The following ASCC3 variants were observed in gnomAD, a reference collection of about 807,000 sequenced individuals.
ASCC3 encodes the protein activating signal cointegrator 1 complex subunit 3.
In ASCC3, 158 loss-of-function variants were observed where a neutral mutation model predicts 256.3. That is an observed-to-expected ratio of 0.62 (90% CI 0.54 to 0.70). The LOEUF is 0.70. Among genes scored for constraint, ASCC3 ranks in the 30% least tolerant of loss-of-function variants. The pLI is 0.00. For missense variants in ASCC3, 2,259 were observed against 2,626.0 expected, an observed-to-expected ratio of 0.86 and a Z score of 3.05; for synonymous variants, 948 against 883.4, an observed-to-expected ratio of 1.07 and a Z score of -1.30.
chr6:100,623,218 T>A (rs1562175106), intron 30 of ASCC3, among the ~76,000 whole-genome samples: 1 of 152,106 alleles, frequency 6.6e-6, no homozygotes, highest in Non-Finnish European at 1.5e-5. Context: ...AAATCTTTTA[T>A]CAACATTACT....
Position 100,540,404 on chromosome 6 carries a change from GC to G in ASCC3, c.5551-18del, listed in dbSNP as rs1019200910. ...TTCTGCATCCTGAAAAAAAAAAAAA[GC>G]CCCACATTGTTGGATCAAAGTATAA... On this transcript the variant is annotated intron_variant, in intron 36 of 41. Coordinates refer to ENST00000369162, the MANE Select transcript of ASCC3 (RefSeq NM_006828.4). 9.7e-6 allele frequency: 13 copies of G among 1,341,318 alleles called. No individual in the cohort carries two copies. The highest frequency in any genetic ancestry group is 1.3e-5 in the Non-Finnish European group (12 of 945,902). The allele number at this position is 1,341,318 out of a possible 1,614,324, so 83.1% of individuals were successfully genotyped here.
intron 8 of ASCC3, among the ~76,000 whole-genome samples, chr6:100,790,857 G>A (rs1000874281): frequency 1.3e-5 from 2 of 151,828 alleles, no homozygotes; most frequent in Non-Finnish European, 2.9e-5. Flanking sequence ...TGAAGCAGCT[G>A]GTGCCCTTTT....
At chr6:100,789,716 T>G (rs1769262945) in intron 8 of ASCC3, among the ~76,000 whole-genome samples, 1 of 151,960 alleles carries the variant, frequency 6.6e-6, no homozygotes, top group South Asian at 2.1e-4. Context: ...ACTTCTTGTA[T>G]AATACGTAAA....
chr6:100,663,749 A>C (rs370844535), intron 14 of ASCC3, among the ~76,000 whole-genome samples: 3 of 152,160 alleles, frequency 2.0e-5, no homozygotes, highest in Admixed American at 2.0e-4. Context: ...AATTTGTGTT[A>C]GTTTTGCTGT....
At chr6:100,584,047 A>G (rs1771485182) in intron 36 of ASCC3, among the ~76,000 whole-genome samples, 1 of 151,806 alleles carries the variant, frequency 6.6e-6, no homozygotes, top group East Asian at 1.9e-4. Context: ...GTGGTGCTGA[A>G]AAAAATGTAT....
chr6:100,546,857 C>T (rs1425275426), intron 36 of ASCC3, among the ~76,000 whole-genome samples: 1 of 151,910 alleles, frequency 6.6e-6, no homozygotes, highest in Non-Finnish European at 1.5e-5. Flanking sequence ...TTTTCATTCA[C>T]AATCATATAC....
intron 10 of ASCC3, among the ~76,000 whole-genome samples, chr6:100,731,804 AC>A (rs1366100859): frequency 8.5e-5 from 13 of 152,188 alleles, no homozygotes; most frequent in Non-Finnish European, 1.8e-4. Flanking sequence ...ACTACCTCTT[AC>A]CTGCTACATT....
intron 13 of ASCC3, among the ~76,000 whole-genome samples, chr6:100,688,811 G>C (rs1419435289): frequency 6.6e-6 from 1 of 152,084 alleles, no homozygotes; most frequent in African/African-American, 2.4e-5. Flanking sequence ...TGGAGTCTAG[G>C]AAGATGATGA....
At chr6:100,772,929 T>C (rs1042769385) in intron 8 of ASCC3, among the ~76,000 whole-genome samples, 2 of 152,192 alleles carry the variant, frequency 1.3e-5, no homozygotes, top group Non-Finnish European at 2.9e-5. Context: ...GTGTTATCTT[T>C]TTAACACAAG....
intron 4 of ASCC3, among the ~76,000 whole-genome samples, chr6:100,820,850 C>T (rs1276316056): frequency 1.3e-5 from 2 of 152,050 alleles, no homozygotes; most frequent in East Asian, 1.9e-4. Flanking sequence ...GGACTATACA[C>T]GAATGACCAA....
chr6:100,754,822 T>C (rs1473384335), intron 10 of ASCC3, among the ~76,000 whole-genome samples: 1 of 152,126 alleles, frequency 6.6e-6, no homozygotes, highest in Admixed American at 6.6e-5. Flanking sequence ...AAGTGGATTT[T>C]TCCCATGCTG....
intron 37 of ASCC3, among the ~76,000 whole-genome samples, chr6:100,532,410 T>A (rs2398130): frequency 0.051 from 3,140 of 62,010 alleles, 44 homozygotes; most frequent in African/African-American, 0.13. Flanking sequence ...ATATATATTT[T>A]TTTTTTTTTT....
chr6:100,728,524 G>A lies in ASCC3; in HGVS notation c.1738-2821C>T, dbSNP rs569303792. Among the ~76,000 whole-genome samples, 3 of 151,976 alleles carry A rather than the reference G, an allele frequency of 2.0e-5. No homozygotes were observed. In the South Asian group the frequency reaches 6.2e-4, roughly 32 times the overall value. ...ATACCCAACAGAAACACACATATAT[G>A]TGCACCCAAAGACATGTATAAGAAT... On this transcript the variant is annotated intron_variant, in intron 10 of 41. Transcript: ENST00000369162.
At chr6:100,851,406 C>A (rs906008685) in intron 3 of ASCC3, among the ~76,000 whole-genome samples, 1 of 152,120 alleles carries the variant, frequency 6.6e-6, no homozygotes, top group Admixed American at 6.5e-5. Flanking sequence ...TCTGATATAG[C>A]CATATACATT....
At chr6:100,723,532 C>T (rs192445915) in intron 11 of ASCC3, among the ~76,000 whole-genome samples, 31 of 151,500 alleles carry the variant, frequency 2.0e-4, no homozygotes, top group East Asian at 5.8e-4. Flanking sequence ...CAAACACTTT[C>T]GAACTTTTAA....
chr6:100,631,085 A>T (rs1249340728), intron 26 of ASCC3, 43 bp downstream of exon 26: 2 of 1,377,404 alleles, frequency 1.5e-6, no homozygotes, highest in African/African-American at 1.4e-5. Flanking sequence ...TGGTCCTTTT[A>T]GTCAATTCAA....
chr6:100,530,141 A>G, intron 37 of ASCC3: 1 of 563,216 alleles, frequency 1.8e-6, no homozygotes, highest in South Asian at 2.0e-5. Flanking sequence ...ACACTGTCAC[A>G]TTTCTCTATG....
At chr6:100,660,662 C>G (rs1029477072) in intron 16 of ASCC3, among the ~76,000 whole-genome samples, 3 of 151,652 alleles carry the variant, frequency 2.0e-5, no homozygotes, top group Admixed American at 1.3e-4. Flanking sequence ...TGAATACTCT[C>G]CAACACAGAT....
chr6:100,810,342 A>G (rs1173373488), intron 4 of ASCC3, among the ~76,000 whole-genome samples: 1 of 152,066 alleles, frequency 6.6e-6, no homozygotes, highest in African/African-American at 2.4e-5. Flanking sequence ...CTCTATCTTT[A>G]CTATGTTTTA....
Sources: gnomAD v4.1 joint callset for allele counts (sites outside exome capture counted in the v4.1 genomes callset) on GRCh38, gnomAD v4.1.1 for gene constraint, MANE v1.5 for transcripts, NCBI Gene and HGNC (gene_info 2026-07-23, HGNC 2026-07-21) for gene names.